The following MYH10 variants were observed in gnomAD, a reference collection of about 807,000 sequenced individuals.
The protein encoded by MYH10 is myosin heavy chain 10, also known as myosin-10.
In MYH10, 55 loss-of-function variants were observed where a neutral mutation model predicts 257.8. The observed-to-expected ratio is 0.21, with a 90% CI of 0.17 to 0.27. The LOEUF is 0.27. Among genes scored for constraint, MYH10 ranks in the 10% least tolerant of loss-of-function variants. MYH10 has a pLI of 1.00. For synonymous variants in MYH10, 854 were observed against 921.7 expected, an observed-to-expected ratio of 0.93 and a Z score of 1.33; for missense variants, 1,631 against 2,500.6, an observed-to-expected ratio of 0.65 and a Z score of 7.42.
chr17:8,476,996 G>A lies in MYH10; in HGVS notation c.5759C>T (p.Ala1920Val). ...GTTGGCACGCGTCGCTTCTTCTTCT[G>A]CTTCCTCCAGCTGGCGTTTAAGCTG... is the stretch of plus-strand genomic sequence containing the variant. The part of the protein sequence containing the change: ...MKQLKRQLEE[A>V]EEEATRANAS... Residue 1920 changes from alanine to valine, a missense_variant, in exon 42 of 43, where the codon GCA (alanine) becomes GTA (valine). By Grantham distance (64) the Ala-to-Val change is moderately conservative. Coordinates refer to ENST00000360416, the MANE Select transcript of MYH10 (RefSeq NM_001256012.3). 5 of 1,614,168 alleles carry A rather than the reference G, an allele frequency of 3.1e-6. No individual in the cohort carries two copies. The highest frequency in any genetic ancestry group is 1.3e-5 in the African/African-American group (1 of 75,074).
intron 17 of MYH10, among the ~76,000 whole-genome samples, chr17:8,529,042 A>C (rs1201212643): frequency 2.0e-5 from 3 of 152,232 alleles, no homozygotes; most frequent in African/African-American, 7.2e-5. Flanking sequence ...CCCGCTGCTC[A>C]TTCACTAGCA....
intron 1 of MYH10, among the ~76,000 whole-genome samples, chr17:8,628,912 G>T (rs1209676125): frequency 6.6e-6 from 1 of 152,124 alleles, no homozygotes; most frequent in African/African-American, 2.4e-5. Flanking sequence ...AGCCAGGCTC[G>T]CAGGGGTCAC....
Position 8,492,462 on chromosome 17 carries a change from C to T in MYH10, c.4506G>A (p.Arg1502=). The part of the protein sequence containing the change: ...KSISARYAEE[R]DRAEAEAREK... ...CTCTGGCCTCGGCTTCGGCCCGGTCCCGCTCTTCGGCATAGCGAGCAGAGA... is the reference window on the plus strand; with the variant it reads ...CTCTGGCCTCGGCTTCGGCCCGGTCTCGCTCTTCGGCATAGCGAGCAGAGA... Residue 1502 remains arginine (R), a synonymous_variant, in exon 34 of 43, where the codon CGG becomes CGA. Transcript: ENST00000360416. The T allele has an allele frequency of 6.2e-7, 1 of 1,612,608 alleles. No individual in the cohort carries two copies. The highest frequency in any genetic ancestry group is 8.5e-7 in the Non-Finnish European group (1 of 1,180,024).
intron 34 of MYH10, among the ~76,000 whole-genome samples, chr17:8,491,735 A>ATCT: frequency 6.6e-6 from 1 of 152,204 alleles, no homozygotes; most frequent in East Asian, 1.9e-4. Flanking sequence ...AACACGTCAT[A>ATCT]CACTAAGGGA....
rs2082528111 is a variant in MYH10 at position 8,548,804 on chromosome 17, T to C, written c.920-17A>G. 1 of 1,597,578 alleles carries C rather than the reference T, an allele frequency of 6.3e-7. No individual in the cohort carries two copies. The highest frequency in any genetic ancestry group is 8.6e-7 in the Non-Finnish European group (1 of 1,166,180). ...GCAAATCAGCTAAAAGGAAATATAA[T>C]GGAAGAAAATTTGATAAATACTCAT... On this transcript the variant is annotated splice_polypyrimidine_tract_variant and intron_variant, in intron 9 of 42. Transcript: ENST00000360416.
intron 28 of MYH10, among the ~76,000 whole-genome samples, chr17:8,501,641 G>GGGA (rs992090077): frequency 2.0e-5 from 3 of 152,174 alleles, no homozygotes; most frequent in African/African-American, 7.2e-5. Flanking sequence ...CTTAAGGTTG[G>GGGA]GGAGGAGGGC....
chr17:8,625,866 A>T (rs1040799791), intron 1 of MYH10, among the ~76,000 whole-genome samples: 3 of 152,204 alleles, frequency 2.0e-5, no homozygotes, highest in African/African-American at 7.2e-5. Context: ...CCATTGCTCC[A>T]AAGTTCTGTG....
intron 28 of MYH10, among the ~76,000 whole-genome samples, chr17:8,503,785 G>C (rs1246338289): frequency 6.6e-6 from 1 of 152,182 alleles, no homozygotes; most frequent in Non-Finnish European, 1.5e-5. Flanking sequence ...AACTCCCCAG[G>C]GTGATGGGCT....
At chr17:8,581,130 G>A (rs545619510) in intron 4 of MYH10, among the ~76,000 whole-genome samples, 26 of 152,122 alleles carry the variant, frequency 1.7e-4, no homozygotes, top group African/African-American at 6.3e-4. Context: ...ATCAGGGGAG[G>A]GAGTGGCGAG....
chr17:8,513,328 C>T (rs1389227875), intron 23 of MYH10, among the ~76,000 whole-genome samples: 2 of 152,194 alleles, frequency 1.3e-5, no homozygotes, highest in Non-Finnish European at 2.9e-5. Context: ...TTGATTTTAA[C>T]TTCTACAAAT....
rs1160939537 is a variant in MYH10 at position 8,487,574 on chromosome 17, C to T, written c.4905G>A (p.Glu1635=). The T allele has an allele frequency of 1.9e-6, 3 of 1,614,074 alleles. No individual in the cohort carries two copies. The highest frequency in any genetic ancestry group is 2.5e-6 in the Non-Finnish European group (3 of 1,180,052). ...CCCGCTGTTTCCTCTCATCCTCCAG[C>T]TCCGCCTCGAGCTCCCGCACCTAAT... ...LIKQVRELEA[E]LEDERKQRAL... Residue 1635 remains glutamate, a synonymous_variant, in exon 36 of 43, where the codon GAG becomes GAA. Coordinates refer to ENST00000360416, the MANE Select transcript of MYH10 (RefSeq NM_001256012.3).
chr17:8,502,014 G>A (rs2080912155), intron 28 of MYH10, among the ~76,000 whole-genome samples: 1 of 152,204 alleles, frequency 6.6e-6, no homozygotes, highest in African/African-American at 2.4e-5. Context: ...CAGGTAAACA[G>A]CACTCCTGCT....
At chr17:8,495,021 A>C (rs375935067) in intron 31 of MYH10, 116 bp downstream of exon 31, 12 of 661,732 alleles carry the variant, frequency 1.8e-5, no homozygotes, top group East Asian at 5.5e-5. Flanking sequence ...TAAAAGTATG[A>C]CATAAAACTA....
At chr17:8,594,639 C>T (rs550066626) in intron 3 of MYH10, among the ~76,000 whole-genome samples, 6 of 152,204 alleles carry the variant, frequency 3.9e-5, no homozygotes, top group African/African-American at 1.4e-4. Context: ...CAAATGTTGA[C>T]CCCCGTTATC....
chr17:8,521,257 G>T lies in MYH10; in HGVS notation c.1986C>A (p.Val662=). ...PVDRIVGLDQ[V]TGMTETAFGS... ...CAAAAGCTGTCTCAGTCATACCAGT[G>T]ACTTGATCCAGACCCACGATACGGT... Residue 662 remains valine, a synonymous_variant, in exon 18 of 43, where the codon GTC becomes GTA. Transcript: ENST00000360416. The T allele has an allele frequency of 6.2e-7, 1 of 1,614,178 alleles. No individual in the cohort carries two copies. The highest frequency in any genetic ancestry group is 8.5e-7 in the Non-Finnish European group (1 of 1,180,040).
At chr17:8,515,834 G>A (rs1327538703) in intron 21 of MYH10, among the ~76,000 whole-genome samples, 6 of 152,072 alleles carry the variant, frequency 3.9e-5, no homozygotes, top group East Asian at 1.9e-4. Context: ...GTGAGCCACC[G>A]TGCCTGGCCG....
intron 5 of MYH10, 143 bp from the exon 6 acceptor site, chr17:8,576,815 C>T: frequency 1.5e-6 from 1 of 685,372 alleles, no homozygotes; most frequent in Non-Finnish European, 2.5e-6. Flanking sequence ...GCTGTATTAA[C>T]TACCACTTCT....
At chr17:8,572,076 A>T (rs1397479018) in intron 6 of MYH10, among the ~76,000 whole-genome samples, 1 of 152,150 alleles carries the variant, frequency 6.6e-6, no homozygotes, top group African/African-American at 2.4e-5. Flanking sequence ...ATCCTACCAA[A>T]TCATAAGAAA....
At chr17:8,550,950 C>G (rs1438506494) in intron 9 of MYH10, among the ~76,000 whole-genome samples, 3 of 151,408 alleles carry the variant, frequency 2.0e-5, no homozygotes, top group South Asian at 2.1e-4. Flanking sequence ...CAGCATGCTC[C>G]TTAAGAGTCA....
Sources: allele counts gnomAD v4.1 joint callset (sites outside exome capture counted in the v4.1 genomes callset), GRCh38; gene constraint gnomAD v4.1.1; transcripts MANE v1.5; gene names NCBI Gene and HGNC (gene_info 2026-07-23, HGNC 2026-07-21).